The following SPTBN5 variants were observed in gnomAD, a reference collection of about 807,000 sequenced individuals.
SPTBN5 encodes spectrin beta, non-erythrocytic 5, also known as spectrin beta chain, non-erythrocytic 5.
A neutral mutation model predicts 477.6 loss-of-function variants in SPTBN5; 513 were observed. That is an observed-to-expected ratio of 1.07 (90% CI 1.00 to 1.16). The LOEUF (loss-of-function observed/expected upper bound fraction) is 1.16. SPTBN5 is among the 50% of genes most tolerant of loss of function. The pLI, the probability that SPTBN5 is intolerant of heterozygous loss-of-function variation, is 0.00. For missense variants in SPTBN5, 5,062 were observed against 4,731.8 expected (o/e 1.07, Z -2.05); for synonymous variants, 2,169 against 2,011.7 (o/e 1.08, Z -2.09).
At chr15:41,888,685 T>TTTAAATAATTTAAAGTCAGG (rs2067225962) in intron 4 of SPTBN5, among the ~76,000 whole-genome samples, 2 of 152,256 alleles carry the variant, frequency 1.3e-5, no homozygotes, top group African/African-American at 4.8e-5. Flanking sequence ...GGTCTCAAAC[T>TTTAAATAATTTAAAGTCAGG]CCTGACTTTA....
rs61731600 is a variant in SPTBN5 at position 41,855,265 on chromosome 15, C to T, written c.9382G>A (p.Ala3128Thr). The T allele has an allele frequency of 4.7e-5, 76 of 1,612,498 alleles. No individual in the cohort carries two copies. The highest frequency in any genetic ancestry group is 1.7e-4 in the Middle Eastern group (1 of 6,054). Residue 3128 changes from alanine (A) to threonine (T), a missense_variant, in exon 55 of 68, where the codon GCC becomes ACC. Transcript: ENST00000320955. ...DAWLTTKAAT[A>T]ESQDYGQDLE... ...TCCTGCCCGTAGTCCTGGGACTCGG[C>T]GGTGGCCGCCTTGGTGGTCAGCCAG...
intron 22 of SPTBN5, 145 bp downstream of exon 22, chr15:41,875,313 C>G: frequency 9.1e-7 from 1 of 1,095,550 alleles, no homozygotes; most frequent in South Asian, 1.6e-5. Context: ...GAGCGGAAAG[C>G]CACGCTCAGC....
At chr15:41,867,385 A>T (rs2066361459) in intron 35 of SPTBN5, among the ~76,000 whole-genome samples, 153 bp downstream of exon 35, 1 of 152,244 alleles carries the variant, frequency 6.6e-6, no homozygotes, top group Non-Finnish European at 1.5e-5. Flanking sequence ...TGAGCCACAC[A>T]TACAACTTGC....
Position 41,858,716 on chromosome 15 carries a change from C to T in SPTBN5, c.8112G>A (p.Val2704=), listed in dbSNP as rs1019991607. 14 of 1,609,796 alleles carry T rather than the reference C, an allele frequency of 8.7e-6. No individual in the cohort carries two copies. In the African/African-American group the frequency reaches 1.7e-4, roughly 20 times the overall value. ...VAAWLREKNL[V]ALEEGLLDTA... ...TGTCCAGCAAACCCTCCTCCAAGGC[C>T]ACCAGGTTCTTCTCCCTCAGCCACG... is the stretch of plus-strand genomic sequence containing the variant. Residue 2704 remains valine, a synonymous_variant, in exon 49 of 68, where the codon GTG becomes GTA. Coordinates refer to ENST00000320955, the MANE Select transcript of SPTBN5 (RefSeq NM_016642.4).
intron 63 of SPTBN5, 70 bp downstream of exon 63, chr15:41,851,709 G>T: frequency 8.4e-7 from 1 of 1,189,530 alleles, no homozygotes; most frequent in Non-Finnish European, 1.2e-6. Context: ...AGGCCCAGAT[G>T]GCTCTTCGAG....
intron 22 of SPTBN5, 141 bp downstream of exon 22, chr15:41,875,317 G>A (rs890111648): frequency 7.1e-6 from 8 of 1,127,744 alleles, no homozygotes; most frequent in East Asian, 2.6e-5. Flanking sequence ...GGAAAGCCAC[G>A]CTCAGCTTGT....
chr15:41,854,932 G>T lies in SPTBN5; in HGVS notation c.9468C>A (p.Ser3156Arg). Reference protein sequence around the residue: ...KFDAFRKEVQSLGQAKVYALR... With the variant: ...KFDAFRKEVQRLGQAKVYALR... ...GGGCATACACCTTGGCCTGGCCCAGGCTCTGCACTTCCTTTCTGAAAGCAT... is the reference window on the plus strand; with the variant it reads ...GGGCATACACCTTGGCCTGGCCCAGTCTCTGCACTTCCTTTCTGAAAGCAT... The change falls in exon 56 of 68, where the codon AGC (serine) becomes AGA (arginine). Residue 3156 changes from serine to arginine, a missense_variant. By Grantham distance (110) the Ser-to-Arg change is moderately radical. Coordinates refer to ENST00000320955, the MANE Select transcript of SPTBN5 (RefSeq NM_016642.4). The T allele has an allele frequency of 6.3e-7, 1 of 1,574,912 alleles. No homozygotes were observed.
At chr15:41,854,740 ACT>A (rs2065881181) in intron 56 of SPTBN5, 40 bp downstream of exon 56, 1 of 1,439,850 alleles carries the variant, frequency 6.9e-7, no homozygotes, top group South Asian at 1.6e-5. Flanking sequence ...TTTTTTGAAG[ACT>A]CTGACACCCC....
At position 41,867,179 on chromosome 15, in the gene SPTBN5, C is replaced by T. The variant is rs939920154; in HGVS notation, c.6313-53G>A. ...CTCCCACCCTGGGCTGGGGCAGGGC[C>T]TGGCCTGCAGGGCTCACAGTCCTTT... On this transcript the variant is annotated intron_variant, in intron 35 of 67. Transcript: ENST00000320955. 8.1e-6 allele frequency: 12 copies of T among 1,484,122 alleles called. No homozygotes were observed. In the Admixed American group the frequency reaches 1.5e-4, roughly 19 times the overall value. 91.9% of individuals were successfully genotyped at this position (1,484,122 alleles called of 1,614,324 possible). A position where few individuals can be genotyped will look rare whatever the true frequency, so the allele number is the denominator to read the frequency against.
intron 16 of SPTBN5, among the ~76,000 whole-genome samples, chr15:41,878,858 G>A (rs2066842249): frequency 6.6e-6 from 1 of 152,162 alleles, no homozygotes. Flanking sequence ...ACGAGGTCAG[G>A]AGATCGAGAC....
At position 41,850,936 on chromosome 15, in the gene SPTBN5, C is replaced by G. The variant is rs1208765215; in HGVS notation, c.10839G>C (p.Leu3613=). Residue 3613 remains leucine (L), a synonymous_variant, in exon 66 of 68, where the codon CTG becomes CTC. Transcript: ENST00000320955. The part of the protein sequence containing the change: ...HGRKHTFSLR[L]TSGAEILFAA... ...CAAACAGGATCTCTGCCCCACTGGT[C>G]AGCCTGGCACCCACAGTCACAGGTC... 1.9e-6 allele frequency: 3 copies of G among 1,563,732 alleles called. No individual in the cohort carries two copies. The highest frequency in any genetic ancestry group is 2.6e-6 in the Non-Finnish European group (3 of 1,164,796).
chr15:41,871,897 G>A lies in SPTBN5; in HGVS notation c.5186C>T (p.Thr1729Ile), dbSNP rs574747486. 2.6e-5 allele frequency: 41 copies of A among 1,582,486 alleles called. No individual in the cohort carries two copies. In the South Asian group the frequency reaches 4.4e-4, roughly 17 times the overall value. Residue 1729 changes from threonine to isoleucine, a missense_variant, in exon 28 of 68, where the codon ACC becomes ATC. By Grantham distance (89) the Thr-to-Ile change is moderately conservative. Transcript: ENST00000320955. ...AATRDRELEGTLRLHEFLREA... is the reference protein window; with the variant it reads ...AATRDRELEGILRLHEFLREA... The stretch of plus-strand genomic sequence containing the variant: ...CCTCAGGAACTCATGCAGCCTCAGG[G>A]TCCCCTCCAGTTCCCGGTCCCTGTG...
chr15:41,883,539 A>G, intron 7 of SPTBN5, 53 bp from the exon 8 acceptor site: 1 of 1,583,370 alleles, frequency 6.3e-7, no homozygotes, highest in South Asian at 1.2e-5. Flanking sequence ...CAGGGAAGCT[A>G]CTTCAGGGTT....
At position 41,865,215 on chromosome 15, in the gene SPTBN5, T is replaced by C. The variant is rs138759549; in HGVS notation, c.6918+593A>G. 1.4e-3 allele frequency among the ~76,000 whole-genome samples: 211 copies of C among 152,294 alleles called. 1 individual carries two copies. The highest frequency in any genetic ancestry group is 4.9e-3 in the African/African-American group (202 of 41,548). On this transcript the variant is annotated intron_variant, in intron 39 of 67. Transcript: ENST00000320955. The stretch of plus-strand genomic sequence containing the variant: ...CCACATAAGAGAAATAGATGTTTGG[T>C]GTGTGTATGTGTGAGGGGGCGGGTG...
chr15:41,871,680 C>T (rs2066541261), intron 28 of SPTBN5, 102 bp downstream of exon 28: 6 of 1,429,696 alleles, frequency 4.2e-6, no homozygotes, highest in Non-Finnish European at 5.5e-6. Flanking sequence ...CCAGGGCTCA[C>T]CGCTCTGCTG....
In SPTBN5 at chr15:41,855,669, G is replaced by A. The variant is rs748708316; in HGVS notation, c.9098C>T (p.Ala3033Val). ...DSEDMGHSAE[A>V]TQALLRRLEA... Reference sequence around the variant, plus strand: ...CAGCCGCCGCAGAAGGGCCTGTGTGGCTTCAGCACTGTGGCCCATGTCCTC... The same window carrying A: ...CAGCCGCCGCAGAAGGGCCTGTGTGACTTCAGCACTGTGGCCCATGTCCTC... The change falls in exon 54 of 68, where the codon GCC (alanine) becomes GTC (valine). Residue 3033 changes from alanine (A) to valine (V), a missense_variant. Physicochemically the swap from Ala to Val is moderately conservative, Grantham distance 64. Transcript: ENST00000320955. 2.4e-5 allele frequency: 39 copies of A among 1,605,892 alleles called. No individual in the cohort carries two copies. Among genetic ancestry groups the A allele is most frequent in the Non-Finnish European group, 3.3e-5 (39 of 1,178,010 alleles).
chr15:41,869,848 CGGAAGCGGGCCAG>C lies in SPTBN5; in HGVS notation c.5833_5845del (p.Leu1945AlafsTer32). 6.4e-7 allele frequency: 1 copy of C among 1,557,310 alleles called. No homozygotes were observed. Among genetic ancestry groups the C allele is most frequent in the Non-Finnish European group, 8.6e-7 (1 of 1,161,838 alleles). On this transcript the variant is annotated frameshift_variant, in exon 32 of 68. Transcript: ENST00000320955. LOFTEE classifies it high-confidence loss of function. Reference sequence around the variant, plus strand: ...AAGGGCAGGAGCCCTCACCGCCGTGCGGAAGCGGGCCAGGAGGCGTGCCCGCTCCAGCTGGGCC... The same window carrying C: ...AAGGGCAGGAGCCCTCACCGCCGTGCGAGGCGTGCCCGCTCCAGCTGGGCC...
chr15:41,851,323 CTGCCCTGCAAG>C lies in SPTBN5; in HGVS notation c.10692_10702del (p.Asn3564LysfsTer9). The C allele has an allele frequency of 6.4e-7, 1 of 1,551,194 alleles. No individual in the cohort carries two copies. The highest frequency in any genetic ancestry group is 8.7e-7 in the Non-Finnish European group (1 of 1,147,002). ...CTCATCCAGGAACAGGCTCAGAGAG[CTGCCCTGCAAG>C]TTCCCGCGGCAGCTGTCCCAGGAGC... On this transcript the variant is annotated frameshift_variant, in exon 64 of 68. Transcript: ENST00000320955. LOFTEE classifies it high-confidence loss of function.
chr15:41,883,592 C>T, intron 7 of SPTBN5, 106 bp from the exon 8 acceptor site: 2 of 1,382,714 alleles, frequency 1.4e-6, no homozygotes, highest in Non-Finnish European at 2.0e-6. Flanking sequence ...AGAGTCTGAC[C>T]TCCATGGCTG....
Sources: allele counts gnomAD v4.1 joint callset (sites outside exome capture counted in the v4.1 genomes callset), GRCh38; gene constraint gnomAD v4.1.1; transcripts MANE v1.5; gene names NCBI Gene and HGNC (gene_info 2026-07-23, HGNC 2026-07-21).